The following SLC22A24 variants were observed in gnomAD, a reference collection of about 807,000 sequenced individuals.
The protein encoded by SLC22A24 is steroid transmembrane transporter SLC22A24.
In SLC22A24, 53 loss-of-function variants were observed where a neutral mutation model predicts 49.8. That is an observed-to-expected ratio of 1.06 (90% CI 0.85 to 1.34). SLC22A24 has a LOEUF of 1.34. Ranked by LOEUF, SLC22A24 falls within the 40% of genes most tolerant of loss-of-function variation. SLC22A24 has a pLI of 0.00. For missense variants in SLC22A24, 786 were observed against 675.9 expected, an observed-to-expected ratio of 1.16 and a Z score of -1.81; for synonymous variants, 302 against 256.4, an observed-to-expected ratio of 1.18 and a Z score of -1.70.
intron 5 of SLC22A24, among the ~76,000 whole-genome samples, chr11:63,099,371 A>ATTT (rs56708217): frequency 0.032 from 1,695 of 52,300 alleles, 313 homozygotes; most frequent in African/African-American, 0.05. Context: ...AATTTTTAAG[A>ATTT]TTTTTTTTTT....
intron 2 of SLC22A24, among the ~76,000 whole-genome samples, chr11:63,131,421 G>A (rs1315666809): frequency 1.3e-5 from 2 of 152,102 alleles, no homozygotes; most frequent in Admixed American, 6.5e-5. Context: ...GGTACTGGTT[G>A]TTCCTTTCCA....
chr11:63,116,998 G>A (rs2087217155), intron 4 of SLC22A24, among the ~76,000 whole-genome samples: 1 of 151,652 alleles, frequency 6.6e-6, no homozygotes, highest in Non-Finnish European at 1.5e-5. Flanking sequence ...TACTTATTTA[G>A]ACATGGTTTT....
intron 2 of SLC22A24, among the ~76,000 whole-genome samples, chr11:63,121,807 A>T (rs1255754375): frequency 6.6e-6 from 1 of 152,048 alleles, no homozygotes; most frequent in African/African-American, 2.4e-5. Context: ...ACCCCACAAC[A>T]GTCCCCGGAG....
chr11:63,113,938 A>C (rs1213908876), intron 4 of SLC22A24, among the ~76,000 whole-genome samples: 1 of 150,892 alleles, frequency 6.6e-6, no homozygotes, highest in Non-Finnish European at 1.5e-5. Context: ...ATCTGCTGTT[A>C]GTCTGATGGG....
chr11:63,141,853 C>T (rs922126635), intron 1 of SLC22A24, among the ~76,000 whole-genome samples: 5 of 152,108 alleles, frequency 3.3e-5, no homozygotes, highest in African/African-American at 1.2e-4. Context: ...AACTGTAAGT[C>T]AGTTCTATCA....
At chr11:63,130,557 TC>T (rs1235298185) in intron 2 of SLC22A24, among the ~76,000 whole-genome samples, 7 of 152,234 alleles carry the variant, frequency 4.6e-5, no homozygotes, top group African/African-American at 1.2e-4. Context: ...TGGTACCTAC[TC>T]CTGTTTGTAC....
intron 6 of SLC22A24, among the ~76,000 whole-genome samples, chr11:63,084,898 A>G (rs887539644): frequency 1.3e-5 from 2 of 151,938 alleles, no homozygotes; most frequent in East Asian, 3.8e-4. Context: ...AAATATATGT[A>G]TTACTAAGAT....
chr11:63,081,233 T>C (rs1185483233), intron 8 of SLC22A24, 110 bp from the exon 9 acceptor site: 1 of 926,938 alleles, frequency 1.1e-6, no homozygotes, highest in African/African-American at 1.7e-5. Flanking sequence ...ACTAAACACA[T>C]GGGCTTTGAC....
In SLC22A24 at chr11:63,119,054, G is replaced by C; in HGVS notation, c.688C>G (p.Arg230Gly). ...LSLEWTLPRSRSMTIMVLLCS... is the reference protein window; with the variant it reads ...LSLEWTLPRSGSMTIMVLLCS... ...AATAGCACCATTATTGTCATAGATC[G>C]TGACCGGGGCAATGTCCACTCTAAG... Residue 230 changes from arginine (R) to glycine (G), a missense_variant, in exon 4 of 10, where the codon CGA (arginine) becomes GGA (glycine). Transcript: ENST00000612278. 6.4e-7 allele frequency: 1 copy of C among 1,550,544 alleles called. No homozygotes were observed. Among genetic ancestry groups the C allele is most frequent in the South Asian group, 1.2e-5 (1 of 83,968 alleles).
At chr11:63,108,781 C>A (rs1730427225) in intron 4 of SLC22A24, among the ~76,000 whole-genome samples, 1 of 149,958 alleles carries the variant, frequency 6.7e-6, no homozygotes. Context: ...TGGTGATATC[C>A]CCTTTATCAT....
At chr11:63,139,384 A>G (rs1277530284) in intron 1 of SLC22A24, among the ~76,000 whole-genome samples, 5 of 152,172 alleles carry the variant, frequency 3.3e-5, no homozygotes, top group African/African-American at 1.2e-4. Context: ...GTCATCTGAC[A>G]GTTTTGAGTT....
At chr11:63,125,296 AC>A (rs1565336975) in intron 2 of SLC22A24, among the ~76,000 whole-genome samples, 4 of 150,968 alleles carry the variant, frequency 2.6e-5, no homozygotes, top group Non-Finnish European at 5.9e-5. Flanking sequence ...TCCTAATGCT[AC>A]TCCTCCCCTA....
At chr11:63,085,086 A>T (rs191882300) in intron 6 of SLC22A24, among the ~76,000 whole-genome samples, 1 of 152,138 alleles carries the variant, frequency 6.6e-6, no homozygotes, top group East Asian at 1.9e-4. Flanking sequence ...TGTTTTCATG[A>T]TTAGGCCCTG....
intron 6 of SLC22A24, among the ~76,000 whole-genome samples, chr11:63,087,024 GCACACA>G (rs1555045310): frequency 1.2e-4 from 16 of 132,554 alleles, no homozygotes; most frequent in Admixed American, 1.6e-4. Flanking sequence ...CCTGGAGGGC[GCACACA>G]CACACACACA....
intron 6 of SLC22A24, 120 bp downstream of exon 6, chr11:63,095,871 G>A (rs1012416727): frequency 6.9e-6 from 5 of 723,122 alleles, no homozygotes; most frequent in African/African-American, 3.6e-5. Flanking sequence ...ACATTTGTAT[G>A]TGATTTTCTC....
intron 2 of SLC22A24, among the ~76,000 whole-genome samples, chr11:63,126,591 G>A (rs1048262543): frequency 7.9e-5 from 12 of 152,256 alleles, no homozygotes; most frequent in Admixed American, 3.9e-4. Flanking sequence ...GTCAGGTAGC[G>A]TGTTGCCTCC....
At chr11:63,097,095 G>A (rs1207557262) in intron 5 of SLC22A24, among the ~76,000 whole-genome samples, 6 of 151,744 alleles carry the variant, frequency 4.0e-5, no homozygotes, top group Admixed American at 3.3e-4. Context: ...ATTTCAGGCT[G>A]TGCACAGCAA....
chr11:63,096,008 G>A lies in SLC22A24; in HGVS notation c.1053C>T (p.Phe351=), dbSNP rs766714390. 2.1e-5 allele frequency: 32 copies of A among 1,550,054 alleles called. No individual in the cohort carries two copies. The highest frequency in any genetic ancestry group is 1.7e-4 in the Middle Eastern group (1 of 6,008). Residue 351 remains phenylalanine (F), a synonymous_variant, in exon 6 of 10, where the codon TTC becomes TTT. Transcript: ENST00000612278. The stretch of plus-strand genomic sequence containing the variant: ...GAACTTACCTCACAAAGCACAGGCC[G>A]AAGACTCTCATTCGCAATTTGGGTG... ...FRAPKLRMRV[F]GLCFVRFAIT...
chr11:63,122,046 A>G (rs4297470), intron 2 of SLC22A24, among the ~76,000 whole-genome samples: 120,544 of 151,660 alleles, frequency 0.79, 48,997 homozygotes, highest in East Asian at 0.9. Flanking sequence ...CGAAGATATT[A>G]CCTCATCAAT....
Sources: allele counts gnomAD v4.1 joint callset (sites outside exome capture counted in the v4.1 genomes callset), GRCh38; gene constraint gnomAD v4.1.1; transcripts MANE v1.5; gene names NCBI Gene and HGNC (gene_info 2026-07-23, HGNC 2026-07-21).